The following ANXA8 variants were observed in gnomAD, a reference collection of about 807,000 sequenced individuals.
ANXA8 encodes VAC-beta.
In ANXA8, 9 loss-of-function variants were observed where a neutral mutation model predicts 26.8. That is an observed-to-expected ratio of 0.34 (90% CI 0.20 to 0.59). ANXA8 has a LOEUF of 0.59. Ranked by LOEUF, ANXA8 falls within the 20% of genes least tolerant of loss-of-function variation. The pLI is 0.84. For synonymous variants in ANXA8, 39 were observed against 94.8 expected (o/e 0.41, Z 3.42); for missense variants, 83 against 238.5 (o/e 0.35, Z 4.29).
chr10:47,558,056 G>C, the ANXA8 span, among the ~76,000 whole-genome samples: 1 of 151,842 alleles, frequency 6.6e-6, no homozygotes, highest in Admixed American at 6.6e-5. Flanking sequence ...TCAGTGCTTT[G>C]TGCTGTGTAT....
the ANXA8 span, among the ~76,000 whole-genome samples, chr10:47,659,664 G>C: frequency 2.1e-5 from 3 of 142,744 alleles, no homozygotes; most frequent in Non-Finnish European, 4.5e-5. Context: ...CAACAAGAGC[G>C]AAACTCTGTC....
the ANXA8 span, among the ~76,000 whole-genome samples, chr10:47,924,799 C>T: frequency 6.8e-6 from 1 of 146,810 alleles, no homozygotes; most frequent in Non-Finnish European, 1.5e-5. Context: ...TTTCTTGAGC[C>T]ACTCTCTTGG....
chr10:47,600,419 A>T, the ANXA8 span, among the ~76,000 whole-genome samples: 1 of 148,598 alleles, frequency 6.7e-6, no homozygotes, highest in African/African-American at 2.6e-5. Flanking sequence ...TGTGTTTGGC[A>T]TGCCATTCAA....
At chr10:47,968,097 T>C in the ANXA8 span, among the ~76,000 whole-genome samples, 1 of 151,144 alleles carries the variant, frequency 6.6e-6, no homozygotes, top group Non-Finnish European at 1.5e-5. Context: ...CCCATACACA[T>C]GAGTATTTGT....
the ANXA8 span, among the ~76,000 whole-genome samples, chr10:47,646,094 A>G: frequency 2.7e-5 from 4 of 149,510 alleles, no homozygotes; most frequent in South Asian, 2.1e-4. Context: ...TCTCTGTGTC[A>G]TCTATATCTG....
the ANXA8 span, among the ~76,000 whole-genome samples, chr10:47,958,244 C>T: frequency 4.7e-5 from 7 of 149,698 alleles, 1 homozygote; most frequent in African/African-American, 1.5e-4. Flanking sequence ...TTTGGGAAGC[C>T]GAGGCCGGCA....
chr10:47,944,348 ATCC>A, the ANXA8 span, among the ~76,000 whole-genome samples: 2 of 149,044 alleles, frequency 1.3e-5, no homozygotes, highest in Non-Finnish European at 3.0e-5. Context: ...AATCTAGAGC[ATCC>A]TCCCCCCGCA....
At chr10:47,696,220 C>T in the ANXA8 span, among the ~76,000 whole-genome samples, 3 of 151,732 alleles carry the variant, frequency 2.0e-5, no homozygotes, top group East Asian at 3.8e-4. Context: ...TGTTAATTTA[C>T]CTAGATTTAG....
At chr10:47,932,717 TTTCTC>T in the ANXA8 span, among the ~76,000 whole-genome samples, 1 of 77,030 alleles carries the variant, frequency 1.3e-5, no homozygotes, top group African/African-American at 7.2e-5. Context: ...TCTCTCTCTC[TTTCTC>T]TGTCTTTCTG....
At chr10:47,588,868 G>A in the ANXA8 span, 1 of 117,806 alleles carries the variant, frequency 8.5e-6, no homozygotes, top group Non-Finnish European at 1.6e-5. Flanking sequence ...AGGCTGGAAT[G>A]CAGTGGTGTG....
the ANXA8 span, among the ~76,000 whole-genome samples, chr10:47,681,706 A>C: frequency 8.0e-6 from 1 of 125,330 alleles, no homozygotes. Flanking sequence ...AATTTTTTTA[A>C]AAAATTTTTT....
At chr10:47,701,701 C>A in the ANXA8 span, among the ~76,000 whole-genome samples, 2 of 151,442 alleles carry the variant, frequency 1.3e-5, no homozygotes, top group Non-Finnish European at 2.9e-5. Flanking sequence ...GAAGGATAAA[C>A]CAGAAACTAA....
the ANXA8 span, among the ~76,000 whole-genome samples, chr10:47,675,673 G>A: frequency 1.3e-5 from 2 of 151,540 alleles, no homozygotes; most frequent in South Asian, 2.1e-4. Flanking sequence ...AATTTAATAA[G>A]TAATCTATTT....
chr10:47,581,459 C>T, the ANXA8 span: 7 of 542,122 alleles, frequency 1.3e-5, no homozygotes, highest in Non-Finnish European at 2.2e-5. Flanking sequence ...GCATACTTAC[C>T]ATGTCTCCAA....
chr10:47,687,264 ATTT>A, the ANXA8 span, among the ~76,000 whole-genome samples: 1 of 130,902 alleles, frequency 7.6e-6, no homozygotes, highest in Non-Finnish European at 1.6e-5. Flanking sequence ...TCCCACCAAC[ATTT>A]TTTTTTTTTT....
chr10:47,603,456 A>C, the ANXA8 span, among the ~76,000 whole-genome samples: 1 of 149,332 alleles, frequency 6.7e-6, no homozygotes, highest in Admixed American at 6.6e-5. Context: ...CTGCCATTGT[A>C]TATAATATAA....
chr10:47,702,537 C>T, the ANXA8 span, among the ~76,000 whole-genome samples: 12 of 151,278 alleles, frequency 7.9e-5, no homozygotes, highest in African/African-American at 2.4e-4. Flanking sequence ...GATGGGGTTT[C>T]ACCATGTTGG....
chr10:47,748,714 C>T, the ANXA8 span, among the ~76,000 whole-genome samples: 2 of 150,090 alleles, frequency 1.3e-5, no homozygotes, highest in Non-Finnish European at 3.0e-5. Context: ...TGGTTTTGAA[C>T]TCCTGGGCTC....
At chr10:47,941,585 G>A in the ANXA8 span, among the ~76,000 whole-genome samples, 1 of 147,064 alleles carries the variant, frequency 6.8e-6, no homozygotes, top group East Asian at 2.1e-4. Flanking sequence ...ACCCTCTGCA[G>A]TCAGCCAAGA....
Sources: gnomAD v4.1 joint callset for allele counts (sites outside exome capture counted in the v4.1 genomes callset) on GRCh38, gnomAD v4.1.1 for gene constraint, MANE v1.5 for transcripts, NCBI Gene and HGNC (gene_info 2026-07-23, HGNC 2026-07-21) for gene names.